The following PALM2AKAP2 variants were observed in gnomAD, a reference collection of about 807,000 sequenced individuals.
The protein encoded by PALM2AKAP2 is PALM2-AKAP2 fusion protein.
Under a neutral mutation model 71.5 loss-of-function variants are expected in PALM2AKAP2, and 37 were observed. The ratio of observed to expected loss-of-function variants is 0.52; its 90% CI spans 0.40 to 0.68. The LOEUF is 0.68. Among genes scored for constraint, PALM2AKAP2 ranks in the 30% least tolerant of loss-of-function variants. The pLI is 0.00. For synonymous variants in PALM2AKAP2, 468 were observed against 478.8 expected (o/e 0.98, Z 0.29); for missense variants, 1,224 against 1,191.8 (o/e 1.03, Z -0.40).
At chr9:109,691,199 A>G (rs141887567) in intron 1 of PALM2AKAP2, among the ~76,000 whole-genome samples, 1,564 of 151,974 alleles carry the variant, frequency 0.01, 24 homozygotes, top group African/African-American at 0.036. Context: ...ACACACACAC[A>G]CACACATGCA....
At chr9:109,750,060 C>A (rs978675133) in intron 1 of PALM2AKAP2, among the ~76,000 whole-genome samples, 1 of 152,068 alleles carries the variant, frequency 6.6e-6, no homozygotes, top group African/African-American at 2.4e-5. Flanking sequence ...TTGAAAAATA[C>A]AGAAATTGAA....
At chr9:109,726,168 C>G (rs1167551104) in intron 1 of PALM2AKAP2, among the ~76,000 whole-genome samples, 1 of 152,160 alleles carries the variant, frequency 6.6e-6, no homozygotes, top group Non-Finnish European at 1.5e-5. Flanking sequence ...TCTTTTTATT[C>G]CAGCCTCCCT....
chr9:109,937,493 T>A (rs892053645), intron 6 of PALM2AKAP2, among the ~76,000 whole-genome samples: 4 of 152,106 alleles, frequency 2.6e-5, no homozygotes, highest in African/African-American at 9.7e-5. Flanking sequence ...TCGTTCTTAC[T>A]CTCTTTAATA....
intron 1 of PALM2AKAP2, among the ~76,000 whole-genome samples, chr9:109,670,121 TA>T (rs973619344): frequency 1.3e-5 from 2 of 152,148 alleles, no homozygotes; most frequent in African/African-American, 2.4e-5. Context: ...TTTATTTTTT[TA>T]AAAAAACTTT....
intron 7 of PALM2AKAP2, among the ~76,000 whole-genome samples, chr9:110,040,892 G>A (rs1255730638): frequency 1.3e-5 from 2 of 152,058 alleles, no homozygotes; most frequent in Non-Finnish European, 2.9e-5. Flanking sequence ...AGTATATTAG[G>A]CATATTTTAT....
At chr9:109,862,130 A>G (rs1225741241) in intron 1 of PALM2AKAP2, among the ~76,000 whole-genome samples, 1 of 152,192 alleles carries the variant, frequency 6.6e-6, no homozygotes, top group Non-Finnish European at 1.5e-5. Context: ...AATGTAGAAA[A>G]ATCCACAGCC....
At chr9:110,028,327 T>C (rs1833217463) in intron 7 of PALM2AKAP2, among the ~76,000 whole-genome samples, 1 of 151,822 alleles carries the variant, frequency 6.6e-6, no homozygotes, top group South Asian at 2.1e-4. Flanking sequence ...TAAGGAATAT[T>C]CGTGGCAAGT....
chr9:110,079,750 G>A (rs1834402497), intron 1 of PALM2AKAP2, among the ~76,000 whole-genome samples: 1 of 152,084 alleles, frequency 6.6e-6, no homozygotes, highest in South Asian at 2.1e-4. Flanking sequence ...TTCTGTACTT[G>A]TTGCCTACTG....
chr9:110,168,067 T>A (rs1169003949), intron 3 of PALM2AKAP2, among the ~76,000 whole-genome samples: 3 of 152,240 alleles, frequency 2.0e-5, no homozygotes, highest in African/African-American at 7.2e-5. Flanking sequence ...TGGACAGCAC[T>A]GATCTGCTGC....
At chr9:109,884,323 G>C (rs1466203634) in intron 3 of PALM2AKAP2, among the ~76,000 whole-genome samples, 1 of 152,108 alleles carries the variant, frequency 6.6e-6, no homozygotes, top group Admixed American at 6.5e-5. Context: ...TTAGATGAGT[G>C]TGGTGATGGT....
chr9:110,040,644 A>G (rs962166745), intron 7 of PALM2AKAP2, among the ~76,000 whole-genome samples: 7 of 152,222 alleles, frequency 4.6e-5, no homozygotes, highest in African/African-American at 1.7e-4. Flanking sequence ...GCAAATTACT[A>G]GGAAAATGTT....
chr9:109,749,684 G>A (rs527709172), intron 1 of PALM2AKAP2, among the ~76,000 whole-genome samples: 256 of 152,210 alleles, frequency 1.7e-3, no homozygotes, highest in Non-Finnish European at 2.8e-3. Flanking sequence ...CCATTTTGCT[G>A]TTGTCTAAAA....
At chr9:109,660,567 G>C (rs1399073103) in intron 1 of PALM2AKAP2, among the ~76,000 whole-genome samples, 1 of 152,126 alleles carries the variant, frequency 6.6e-6, no homozygotes, top group Non-Finnish European at 1.5e-5. Context: ...TGGTGTATAT[G>C]TGCCACATTT....
At chr9:109,975,925 T>C (rs1165222675) in intron 6 of PALM2AKAP2, among the ~76,000 whole-genome samples, 1 of 152,210 alleles carries the variant, frequency 6.6e-6, no homozygotes, top group Non-Finnish European at 1.5e-5. Context: ...GCCCCATGCC[T>C]CAATAATCAG....
At chr9:109,844,004 G>A (rs995784172) in intron 1 of PALM2AKAP2, among the ~76,000 whole-genome samples, 2 of 152,190 alleles carry the variant, frequency 1.3e-5, no homozygotes, top group Non-Finnish European at 2.9e-5. Context: ...CAAAAACAAC[G>A]GTTTTGCAGA....
At chr9:109,911,223 A>G (rs10980114) in intron 3 of PALM2AKAP2, among the ~76,000 whole-genome samples, 43,349 of 152,112 alleles carry the variant, frequency 0.28, 7,255 homozygotes, top group Non-Finnish European at 0.37. Flanking sequence ...TGAGAAAAGT[A>G]CTGCTTTGAA....
chr9:109,978,917 G>A lies in PALM2AKAP2; in HGVS notation c.497-37037G>A, dbSNP rs187178200. 1.1e-3 allele frequency among the ~76,000 whole-genome samples: 165 copies of A among 152,156 alleles called. No individual in the cohort carries two copies. In the Middle Eastern group the frequency reaches 0.034, roughly 32 times the overall value. ...CTGGCAGATGTTGACCCTGGGAGAG[G>A]ACAGGAGGCAGGTACCACTGGGCCC... On this transcript the variant is annotated intron_variant, in intron 6 of 9. Coordinates refer to the PALM2AKAP2 transcript ENST00000302798.
At chr9:110,032,421 G>A (rs1031944956) in intron 7 of PALM2AKAP2, among the ~76,000 whole-genome samples, 10 of 152,074 alleles carry the variant, frequency 6.6e-5, no homozygotes, top group South Asian at 2.1e-4. Flanking sequence ...CGCCGGGTGC[G>A]GTGGCTTACG....
intron 6 of PALM2AKAP2, among the ~76,000 whole-genome samples, chr9:109,940,042 A>G (rs1831323585): frequency 6.6e-6 from 1 of 152,216 alleles, no homozygotes; most frequent in African/African-American, 2.4e-5. Context: ...GTACCATTTC[A>G]TTGGTGTCAT....
Sources: allele counts gnomAD v4.1 joint callset (sites outside exome capture counted in the v4.1 genomes callset), GRCh38; gene constraint gnomAD v4.1.1; transcripts MANE v1.5; gene names NCBI Gene and HGNC (gene_info 2026-07-23, HGNC 2026-07-21).